Variants in SLC25A12 observed in about 807,000 individuals in gnomAD.
SLC25A12 encodes the protein electrogenic aspartate/glutamate antiporter SLC25A12, mitochondrial.
A neutral mutation model predicts 83.3 loss-of-function variants in SLC25A12; 32 were observed. That is an observed-to-expected ratio of 0.38 (90% CI 0.29 to 0.52). SLC25A12 has a LOEUF of 0.52. Ranked by LOEUF, SLC25A12 falls within the 20% of genes least tolerant of loss-of-function variation. The pLI, the probability that SLC25A12 is intolerant of heterozygous loss-of-function variation, is 0.84. For synonymous variants in SLC25A12, 267 were observed against 291.1 expected (o/e 0.92, Z 0.84); for missense variants, 611 against 835.6 (o/e 0.73, Z 3.31).
intron 13 of SLC25A12, among the ~76,000 whole-genome samples, chr2:171,800,781 A>T (rs1471688452): frequency 6.6e-6 from 1 of 152,250 alleles, no homozygotes; most frequent in African/African-American, 2.4e-5. Context: ...GCAAAATTTA[A>T]AACAAACACA....
chr2:171,801,186 T>G (rs6433313), intron 13 of SLC25A12, among the ~76,000 whole-genome samples: 124,523 of 152,204 alleles, frequency 0.82, 52,015 homozygotes, highest in Middle Eastern at 0.91. Context: ...AGTTGAATAG[T>G]GTCATCTAGA....
intron 1 of SLC25A12, 52 bp from the exon 2 acceptor site, chr2:171,893,310 C>T (rs765917157): frequency 2.1e-6 from 3 of 1,448,210 alleles, no homozygotes; most frequent in Non-Finnish European, 2.9e-6. Context: ...AGAGACCACA[C>T]AATCTCTTCA....
chr2:171,804,245 A>G (rs1683775388), intron 13 of SLC25A12, among the ~76,000 whole-genome samples: 1 of 134,686 alleles, frequency 7.4e-6, no homozygotes, highest in Admixed American at 7.5e-5. Flanking sequence ...GCCACATATC[A>G]TGATTCCTTA....
chr2:171,844,549 T>C lies in SLC25A12; in HGVS notation c.326-41A>G, dbSNP rs1684751100. ...AAAAATAAATCAATTATATCTGGAA[T>C]AAGTAGTTTAAACCACTGCAATGTT... On this transcript the variant is annotated intron_variant, in intron 4 of 17. Coordinates refer to ENST00000422440, the MANE Select transcript of SLC25A12 (RefSeq NM_003705.5). 1.9e-5 allele frequency: 26 copies of C among 1,389,622 alleles called. No individual in the cohort carries two copies. In the East Asian group the frequency reaches 6.0e-4, roughly 32 times the overall value. 86.1% of individuals were successfully genotyped at this position (1,389,622 alleles called of 1,614,324 possible).
intron 2 of SLC25A12, among the ~76,000 whole-genome samples, chr2:171,884,356 A>G (rs942246966): frequency 1.3e-5 from 2 of 151,268 alleles, no homozygotes; most frequent in Non-Finnish European, 2.9e-5. Flanking sequence ...ACGCCTGGCT[A>G]ATTTTTGTAT....
At chr2:171,877,668 C>A in intron 2 of SLC25A12, among the ~76,000 whole-genome samples, 1 of 137,766 alleles carries the variant, frequency 7.3e-6, no homozygotes, top group African/African-American at 2.6e-5. Flanking sequence ...AGACTCCATC[C>A]CAGGAAAAAA....
At chr2:171,831,633 C>T (rs1046289674) in intron 8 of SLC25A12, among the ~76,000 whole-genome samples, 5 of 152,090 alleles carry the variant, frequency 3.3e-5, no homozygotes, top group African/African-American at 1.2e-4. Context: ...AGGCTGGGCC[C>T]AGTGGCTCAC....
In SLC25A12 at chr2:171,793,735, TG is replaced by T; in HGVS notation, c.1337del (p.Pro446HisfsTer4). 1 of 1,614,048 alleles carries T rather than the reference TG, an allele frequency of 6.2e-7. No homozygotes were observed. The highest frequency in any genetic ancestry group is 1.1e-5 in the South Asian group (1 of 91,078). On this transcript the variant is annotated frameshift_variant, in exon 14 of 18. Coordinates refer to ENST00000422440, the MANE Select transcript of SLC25A12 (RefSeq NM_003705.5). LOFTEE classifies it high-confidence loss of function. ...GCAGACGAATCTTCACTATCTCCAA[TG>T]GGTTGGTAAAAATGACCTGAGAGCC... ...AGGSQVIFTN[P>X]LEIVKIRLQV...
intron 3 of SLC25A12, among the ~76,000 whole-genome samples, chr2:171,860,497 G>A (rs1685131666): frequency 1.3e-5 from 2 of 152,034 alleles, no homozygotes; most frequent in Non-Finnish European, 2.9e-5. Context: ...AGCTATTTGG[G>A]TGGCTGAAGT....
chr2:171,840,564 T>C (rs749256701), intron 5 of SLC25A12, among the ~76,000 whole-genome samples: 4 of 151,992 alleles, frequency 2.6e-5, no homozygotes, highest in African/African-American at 4.8e-5. Flanking sequence ...AAGAACAGTA[T>C]GCTATTTTTT....
At chr2:171,824,800 T>C (rs1457369855) in intron 9 of SLC25A12, among the ~76,000 whole-genome samples, 2 of 151,876 alleles carry the variant, frequency 1.3e-5, no homozygotes, top group Non-Finnish European at 2.9e-5. Context: ...CTAATGGAAA[T>C]AAACTTTTTT....
chr2:171,834,705 T>C (rs1382515773), intron 7 of SLC25A12, 22 bp downstream of exon 7: 17 of 1,610,612 alleles, frequency 1.1e-5, no homozygotes, highest in Non-Finnish European at 1.4e-5. Context: ...GATTCTTATT[T>C]ATGTATATTT....
At chr2:171,787,460 G>T (rs1421938447) in intron 17 of SLC25A12, 111 bp downstream of exon 17, 1 of 888,884 alleles carries the variant, frequency 1.1e-6, no homozygotes, top group African/African-American at 1.6e-5. Context: ...TGGTCTTAAA[G>T]GTTCTGTCTT....
chr2:171,891,464 T>C (rs1166453284), intron 2 of SLC25A12, among the ~76,000 whole-genome samples: 1 of 152,162 alleles, frequency 6.6e-6, no homozygotes, highest in Non-Finnish European at 1.5e-5. Flanking sequence ...TCAATTCCCA[T>C]TCCTTTATGT....
chr2:171,789,568 AG>A (rs1683379475), intron 15 of SLC25A12, among the ~76,000 whole-genome samples: 1 of 152,164 alleles, frequency 6.6e-6, no homozygotes, highest in South Asian at 2.1e-4. Flanking sequence ...GATTTGGAAA[AG>A]GAGGAGAGAA....
intron 5 of SLC25A12, among the ~76,000 whole-genome samples, chr2:171,837,930 T>C (rs1684591831): frequency 6.6e-6 from 1 of 152,220 alleles, no homozygotes; most frequent in Non-Finnish European, 1.5e-5. Context: ...AGAATATCTC[T>C]GAACTTTTGA....
At chr2:171,826,060 G>A (rs1266950902) in intron 9 of SLC25A12, among the ~76,000 whole-genome samples, 2 of 151,828 alleles carry the variant, frequency 1.3e-5, no homozygotes, top group African/African-American at 2.4e-5. Flanking sequence ...TTTCCTGGCT[G>A]TAATCTGTAA....
At chr2:171,836,387 A>G (rs1684557327) in intron 6 of SLC25A12, among the ~76,000 whole-genome samples, 1 of 152,234 alleles carries the variant, frequency 6.6e-6, no homozygotes, top group African/African-American at 2.4e-5. Context: ...CGGGTAAGTG[A>G]GGAAAGTTTC....
intron 3 of SLC25A12, chr2:171,856,470 T>A (rs1685048186): frequency 6.5e-6 from 1 of 153,700 alleles, no homozygotes; most frequent in Admixed American, 6.5e-5. Flanking sequence ...TTCACTAATT[T>A]ACAGAAAACA....
Sources: gnomAD v4.1 joint callset for allele counts (sites outside exome capture counted in the v4.1 genomes callset) on GRCh38, gnomAD v4.1.1 for gene constraint, MANE v1.5 for transcripts, NCBI Gene and HGNC (gene_info 2026-07-23, HGNC 2026-07-21) for gene names.